SHANK2: variants seen among roughly 807,000 people sequenced by gnomAD.
SHANK2 encodes the protein SH3 and multiple ankyrin repeat domains 2.
Under a neutral mutation model 133.7 loss-of-function variants are expected in SHANK2, and 43 were observed. The observed-to-expected ratio is 0.32, with a 90% CI of 0.25 to 0.41. The LOEUF is 0.41. Ranked by LOEUF, SHANK2 falls within the 10% of genes least tolerant of loss-of-function variation. SHANK2 has a pLI of 1.00. For missense variants in SHANK2, 1,994 were observed against 2,235.8 expected (o/e 0.89, Z 2.18); for synonymous variants, 1,017 against 952.8 (o/e 1.07, Z -1.24).
intron 13 of SHANK2, among the ~76,000 whole-genome samples, chr11:70,803,974 CGGA>C (rs1427740392): frequency 6.6e-6 from 1 of 152,016 alleles, no homozygotes; most frequent in Non-Finnish European, 1.5e-5. Context: ...TGGGACCGAG[CGGA>C]GGAGATGTAA....
intron 9 of SHANK2, 44 bp downstream of exon 9, chr11:71,075,115 G>T: frequency 5.9e-6 from 1 of 169,796 alleles, no homozygotes; most frequent in South Asian, 1.6e-4. Context: ...TTTGGAAATG[G>T]ACCACTGTAT....
chr11:70,750,138 G>A (rs1177454355), intron 14 of SHANK2, among the ~76,000 whole-genome samples: 1 of 152,322 alleles, frequency 6.6e-6, no homozygotes, highest in Non-Finnish European at 1.5e-5. Flanking sequence ...AAGAAAGGCA[G>A]ATTTCCAAGT....
intron 11 of SHANK2, among the ~76,000 whole-genome samples, chr11:70,848,167 G>A (rs1281078618): frequency 2.0e-5 from 3 of 152,338 alleles, no homozygotes; most frequent in Middle Eastern, 3.4e-3. Context: ...GAGGCTTAGC[G>A]ACAGCAATCT....
intron 10 of SHANK2, among the ~76,000 whole-genome samples, chr11:70,941,390 T>A (rs1950644961): frequency 6.6e-6 from 1 of 152,222 alleles, no homozygotes. Flanking sequence ...GAACTACAGA[T>A]AACAGAAGCA....
intron 5 of SHANK2, among the ~76,000 whole-genome samples, chr11:71,112,953 C>A (rs564648150): frequency 1.2e-3 from 181 of 152,212 alleles, no homozygotes; most frequent in Non-Finnish European, 2.3e-3. Flanking sequence ...AACACTAATA[C>A]GGGGCTCACT....
chr11:70,714,170 C>T (rs1237530719), intron 14 of SHANK2, among the ~76,000 whole-genome samples: 1 of 152,222 alleles, frequency 6.6e-6, no homozygotes, highest in Non-Finnish European at 1.5e-5. Flanking sequence ...CTTTTCAGCC[C>T]TTCCTTCTTC....
At chr11:70,709,370 C>A (rs1192654647) in intron 14 of SHANK2, among the ~76,000 whole-genome samples, 1 of 152,254 alleles carries the variant, frequency 6.6e-6, no homozygotes, top group Non-Finnish European at 1.5e-5. Flanking sequence ...TGACTGTGTC[C>A]TCTGCCACAT....
chr11:71,094,472 G>A, intron 7 of SHANK2, 65 bp downstream of exon 7: 1 of 1,487,418 alleles, frequency 6.7e-7, no homozygotes. Flanking sequence ...TGCGGGGATG[G>A]GATGGGGCAG....
intron 2 of SHANK2, among the ~76,000 whole-genome samples, chr11:71,156,817 C>A (rs777893665): frequency 6.6e-6 from 1 of 152,134 alleles, no homozygotes; most frequent in Non-Finnish European, 1.5e-5. Flanking sequence ...CATTCTTTTC[C>A]CCTGGGGCTC....
chr11:70,601,730 A>G (rs2060500531), intron 17 of SHANK2, among the ~76,000 whole-genome samples: 1 of 152,254 alleles, frequency 6.6e-6, no homozygotes, highest in Admixed American at 6.5e-5. Context: ...GAAGATGAGA[A>G]TAAGAATTTC....
At chr11:71,234,610 G>A (rs1469823133) in intron 1 of SHANK2, among the ~76,000 whole-genome samples, 2 of 151,992 alleles carry the variant, frequency 1.3e-5, no homozygotes, top group South Asian at 2.1e-4. Flanking sequence ...CCCGAGCCTC[G>A]GTCCCCTTTT....
At chr11:71,080,909 C>T (rs962856794) in intron 8 of SHANK2, among the ~76,000 whole-genome samples, 9 of 152,318 alleles carry the variant, frequency 5.9e-5, no homozygotes, top group Middle Eastern at 3.4e-3. Flanking sequence ...GGGCAGCGGA[C>T]GGGCTGTGAT....
At chr11:70,527,468 G>A (rs2059413570) in intron 17 of SHANK2, among the ~76,000 whole-genome samples, 1 of 152,100 alleles carries the variant, frequency 6.6e-6, no homozygotes. Context: ...TCAAGTTGGG[G>A]AATCCTAAAG....
At chr11:70,924,568 T>C (rs1258342421) in intron 10 of SHANK2, among the ~76,000 whole-genome samples, 4 of 152,216 alleles carry the variant, frequency 2.6e-5, no homozygotes, top group African/African-American at 9.6e-5. Flanking sequence ...GTGGTTCTCC[T>C]GCCTCAGCCT....
intron 21 of SHANK2, among the ~76,000 whole-genome samples, chr11:70,497,453 A>C (rs1383231331): frequency 6.6e-6 from 1 of 152,220 alleles, no homozygotes; most frequent in Non-Finnish European, 1.5e-5. Context: ...CCTCAGACAG[A>C]TTTGAAACTG....
chr11:70,882,811 G>A lies in SHANK2; in HGVS notation c.1174+13690C>T, dbSNP rs1181345990. Among the ~76,000 whole-genome samples the A allele has an allele frequency of 2.6e-5, 4 of 152,206 alleles. No individual in the cohort carries two copies. Among genetic ancestry groups the A allele is most frequent in the East Asian group, 1.9e-4 (1 of 5,182 alleles). ...CATCTGCGAGCACAGGAAGCCAAGC[G>A]GCTGGCCTGGTCCTCCAGGAGGGCA... On this transcript the variant is annotated intron_variant, in intron 11 of 25. Coordinates refer to ENST00000601538, the MANE Select transcript of SHANK2 (RefSeq NM_012309.5). This position sits in a 1 kb window ranked among gnomAD's most constrained non-coding sequence, Gnocchi z 4.2.
At chr11:70,624,622 G>A (rs920442957) in intron 17 of SHANK2, among the ~76,000 whole-genome samples, 1 of 152,176 alleles carries the variant, frequency 6.6e-6, no homozygotes, top group Non-Finnish European at 1.5e-5. Flanking sequence ...CAAACCCCAG[G>A]GAACCAGAGG....
In SHANK2 at chr11:71,247,476, G is replaced by GTT. The variant is rs5792549; in HGVS notation, c.-113+4947_-113+4948dup. On this transcript the variant is annotated intron_variant, in intron 1 of 25. Transcript: ENST00000601538. Reference sequence around the variant, plus strand: ...CAGAAAATGTATGAGAGAACAAGCTGTTTTTTTTAAAAAAAACAACACTTT... The same window carrying GTT: ...CAGAAAATGTATGAGAGAACAAGCTGTTTTTTTTTTAAAAAAAACAACACTTT... Among the ~76,000 whole-genome samples, 1,141 of 147,474 alleles carry GTT rather than the reference G, an allele frequency of 7.7e-3. 2 individuals carry two copies. Among genetic ancestry groups the GTT allele is most frequent in the Middle Eastern group, 0.021 (6 of 286 alleles).
At position 71,103,611 on chromosome 11, in the gene SHANK2, C is replaced by T. The variant is rs1480944677; in HGVS notation, c.592+6330G>A. 1.1e-4 allele frequency among the ~76,000 whole-genome samples: 16 copies of T among 152,318 alleles called. No homozygotes were observed. The East Asian group carries it at 2.9e-3, about 28-fold the overall frequency. ...TATTAAAGGTGACGCATACCCCATA[C>T]GCTTAACCACTGATATGGTTTGGAT... is the stretch of plus-strand genomic sequence containing the variant. On this transcript the variant is annotated intron_variant, in intron 6 of 25. Transcript: ENST00000601538.
Sources: gnomAD v4.1 joint callset for allele counts (sites outside exome capture counted in the v4.1 genomes callset) on GRCh38, gnomAD v4.1.1 for gene constraint, Gnocchi (gnomAD v3.1) non-coding constraint, MANE v1.5 for transcripts, NCBI Gene and HGNC (gene_info 2026-07-23, HGNC 2026-07-21) for gene names.